Variants in C12orf42 observed in about 807,000 individuals in gnomAD.
The protein encoded by C12orf42 is uncharacterized protein C12orf42.
C12orf42 carries 25 observed loss-of-function variants against 21.6 expected under a neutral mutation model. That is an observed-to-expected ratio of 1.16 (90% CI 0.84 to 1.62). The LOEUF is 1.62. Ranked by LOEUF, C12orf42 falls within the 40% of genes most tolerant of loss-of-function variation. The pLI is 0.00. For missense variants in C12orf42, 483 were observed against 459.3 expected, an observed-to-expected ratio of 1.05 and a Z score of -0.47; for synonymous variants, 174 against 175.0, an observed-to-expected ratio of 0.99 and a Z score of 0.05.
Position 103,481,965 on chromosome 12 carries a change from C to T in C12orf42, c.-21-3518G>A, listed in dbSNP as rs562954228. ...ATCTAAGTATTTTATAAATTTAACA[C>T]TCTTGTAAATAAAACAAGGTTCTTT... On this transcript the variant is annotated intron_variant, in intron 1 of 5. Transcript: ENST00000548883. Among the ~76,000 whole-genome samples the T allele has an allele frequency of 1.3e-3, 192 of 152,098 alleles. 1 individual carries two copies. The highest frequency in any genetic ancestry group is 3.4e-3 in the Middle Eastern group (1 of 294).
chr12:103,447,001 G>A (rs1273124928), intron 2 of C12orf42, among the ~76,000 whole-genome samples: 1 of 151,908 alleles, frequency 6.6e-6, no homozygotes, highest in Non-Finnish European at 1.5e-5. Flanking sequence ...CTATACCCTA[G>A]AACAAATGGA....
intron 4 of C12orf42, among the ~76,000 whole-genome samples, chr12:103,294,421 G>GA (rs1272644380): frequency 0.024 from 1,685 of 71,282 alleles, 11 homozygotes; most frequent in East Asian, 0.051. Context: ...AAGAGAGAAA[G>GA]GAGAGAGAGA....
chr12:103,231,416 C>A, the C12orf42 span, among the ~76,000 whole-genome samples: 1 of 152,168 alleles, frequency 6.6e-6, no homozygotes, highest in Non-Finnish European at 1.5e-5. Context: ...TAGTAACATA[C>A]AAAGTAGTTT....
At chr12:103,524,402 C>T in the C12orf42 span, among the ~76,000 whole-genome samples, 4 of 152,244 alleles carry the variant, frequency 2.6e-5, no homozygotes, top group South Asian at 4.2e-4. Flanking sequence ...AAAAAAAGGG[C>T]CTGGTCAGGT....
chr12:103,361,030 A>T lies in C12orf42; in HGVS notation c.259+7857T>A, dbSNP rs564612060. ...AAAAAATGTTGTATGGAGGCAGGACAAGATTGCAGCTCTCACTGGGACAGA... is the reference window on the plus strand; with the variant it reads ...AAAAAATGTTGTATGGAGGCAGGACTAGATTGCAGCTCTCACTGGGACAGA... On this transcript the variant is annotated intron_variant, in intron 4 of 5. Coordinates refer to ENST00000548883, the MANE Select transcript of C12orf42 (RefSeq NM_198521.5). Among the ~76,000 whole-genome samples the T allele has an allele frequency of 2.9e-3, 442 of 152,256 alleles. 2 individuals carry two copies. Among genetic ancestry groups the T allele is most frequent in the Non-Finnish European group, 5.2e-3 (351 of 67,996 alleles).
intron 2 of C12orf42, among the ~76,000 whole-genome samples, chr12:103,421,070 T>C (rs559125125): frequency 9.6e-4 from 146 of 152,164 alleles, no homozygotes; most frequent in African/African-American, 3.3e-3. Context: ...TATGAGAAGA[T>C]TGTGTGGTTG....
intron 10 of C12orf42, among the ~76,000 whole-genome samples, chr12:103,239,523 G>T (rs34089564): frequency 0.088 from 13,328 of 152,104 alleles, 604 homozygotes; most frequent in East Asian, 0.15. Context: ...GAGTCAACCC[G>T]CTCCTTCAGC....
the C12orf42 span, among the ~76,000 whole-genome samples, chr12:103,109,505 G>T: frequency 6.6e-6 from 1 of 151,738 alleles, no homozygotes; most frequent in African/African-American, 2.4e-5. Flanking sequence ...ATTCCAGATG[G>T]GTTAAAGCTC....
intron 4 of C12orf42, among the ~76,000 whole-genome samples, chr12:103,285,404 T>C (rs2036381534): frequency 6.6e-6 from 1 of 152,244 alleles, no homozygotes; most frequent in Non-Finnish European, 1.5e-5. Flanking sequence ...GATTAGGGCT[T>C]AGAGAGATTA....
intron 3 of C12orf42, among the ~76,000 whole-genome samples, chr12:103,379,233 C>T (rs1252734583): frequency 1.3e-5 from 2 of 152,182 alleles, no homozygotes; most frequent in African/African-American, 4.8e-5. Context: ...GAACAGGCAT[C>T]CTCACCTATT....
intron 2 of C12orf42, among the ~76,000 whole-genome samples, chr12:103,439,121 G>T (rs922898408): frequency 1.3e-5 from 2 of 151,868 alleles, no homozygotes; most frequent in African/African-American, 4.8e-5. Flanking sequence ...ACAACTATCT[G>T]ATCTTTGACA....
intron 4 of C12orf42, among the ~76,000 whole-genome samples, chr12:103,361,180 G>A (rs1249281647): frequency 1.3e-5 from 2 of 152,114 alleles, no homozygotes; most frequent in African/African-American, 2.4e-5. Flanking sequence ...CAGGACCCAG[G>A]AGACAGCCCA....
At position 103,409,500 on chromosome 12, in the gene C12orf42, G is replaced by A. The variant is rs1352630515; in HGVS notation, c.79-7825C>T. On this transcript the variant is annotated intron_variant, in intron 2 of 5. Transcript: ENST00000548883. ...AGAAGTTAGATTTACAATGCTGCAA[G>A]GGGGAGGACAGGAGACAAGGAAGGC... 2.0e-5 allele frequency among the ~76,000 whole-genome samples: 3 copies of A among 152,152 alleles called. No homozygotes were observed. The South Asian group carries it at 6.2e-4, about 32-fold the overall frequency.
In C12orf42 at chr12:103,287,154, C is replaced by G. The variant is rs574317109; in HGVS notation, n.338-9944G>C. 2.8e-4 allele frequency among the ~76,000 whole-genome samples: 42 copies of G among 152,312 alleles called. 3 individuals carry two copies. In the South Asian group the frequency reaches 8.3e-3, roughly 30 times the overall value. On this transcript the variant is annotated intron_variant and non_coding_transcript_variant, in intron 4 of 6. Coordinates refer to the C12orf42 transcript ENST00000546526. Reference sequence around the variant, plus strand: ...TGTGGAAGTCGGTGTGGCGATTCCTCTGGGATCTGGAACTAGAAGTACCAT... The same window carrying G: ...TGTGGAAGTCGGTGTGGCGATTCCTGTGGGATCTGGAACTAGAAGTACCAT...
intron 4 of C12orf42, among the ~76,000 whole-genome samples, chr12:103,296,798 A>C (rs1199455831): frequency 6.6e-6 from 1 of 152,066 alleles, no homozygotes; most frequent in African/African-American, 2.4e-5. Flanking sequence ...ATTTTATCCC[A>C]TTCTGTAGGT....
chr12:103,223,763 T>C, the C12orf42 span, among the ~76,000 whole-genome samples: 1 of 152,070 alleles, frequency 6.6e-6, no homozygotes, highest in Non-Finnish European at 1.5e-5. Context: ...AAAAGGAGCA[T>C]CTATACAGGA....
intron 4 of C12orf42, among the ~76,000 whole-genome samples, chr12:103,362,306 G>A (rs1277382791): frequency 3.9e-5 from 6 of 152,046 alleles, no homozygotes. Context: ...CAGGAAAAGG[G>A]GGAGAGTACT....
At chr12:103,227,144 G>A in the C12orf42 span, among the ~76,000 whole-genome samples, 1 of 152,062 alleles carries the variant, frequency 6.6e-6, no homozygotes, top group Non-Finnish European at 1.5e-5. Flanking sequence ...AGGAATGGAG[G>A]TTGGAAGGCT....
At chr12:103,086,098 A>G in the C12orf42 span, among the ~76,000 whole-genome samples, 1 of 152,200 alleles carries the variant, frequency 6.6e-6, no homozygotes, top group Non-Finnish European at 1.5e-5. Flanking sequence ...TAATGATAAT[A>G]TAAACAATCT....
Sources: allele counts gnomAD v4.1 joint callset (sites outside exome capture counted in the v4.1 genomes callset), GRCh38; gene constraint gnomAD v4.1.1; transcripts MANE v1.5; gene names NCBI Gene and HGNC (gene_info 2026-07-23, HGNC 2026-07-21).